The following PALLD variants were observed in gnomAD, a reference collection of about 807,000 sequenced individuals.
The protein encoded by PALLD is palladin.
Under a neutral mutation model 123.5 loss-of-function variants are expected in PALLD, and 61 were observed. That is an observed-to-expected ratio of 0.49 (90% CI 0.40 to 0.61). The LOEUF is 0.61. Ranked by LOEUF, PALLD falls within the 20% of genes least tolerant of loss-of-function variation. The probability of loss-of-function intolerance (pLI) is 0.00; values close to 1 mark genes in which losing one functional copy is unlikely to be tolerated. For synonymous variants in PALLD, 465 were observed against 496.4 expected, an observed-to-expected ratio of 0.94 and a Z score of 0.84; for missense variants, 1,273 against 1,377.0, an observed-to-expected ratio of 0.92 and a Z score of 1.20.
chr4:168,522,418 A>G (rs914544161), intron 2 of PALLD, among the ~76,000 whole-genome samples: 1 of 152,230 alleles, frequency 6.6e-6, no homozygotes, highest in South Asian at 2.1e-4. Context: ...ACTAGTATCA[A>G]ATAGTTGTTT....
chr4:168,821,598 A>G (rs895978200), intron 10 of PALLD, among the ~76,000 whole-genome samples: 1 of 152,182 alleles, frequency 6.6e-6, no homozygotes, highest in Non-Finnish European at 1.5e-5. Context: ...GTTTTAGGCC[A>G]GGTGCAGTAG....
chr4:168,753,104 C>T (rs541568855), intron 10 of PALLD, among the ~76,000 whole-genome samples: 2 of 152,270 alleles, frequency 1.3e-5, no homozygotes, highest in South Asian at 2.1e-4. Context: ...TGAAAACTCT[C>T]ATTGCTTATC....
chr4:168,819,168 C>A (rs1352128634), intron 10 of PALLD, among the ~76,000 whole-genome samples: 1 of 152,140 alleles, frequency 6.6e-6, no homozygotes, highest in Non-Finnish European at 1.5e-5. Context: ...TTGCCATTTA[C>A]AGAACTGTTT....
At chr4:168,703,141 G>A (rs1349556374) in intron 8 of PALLD, among the ~76,000 whole-genome samples, 2 of 143,870 alleles carry the variant, frequency 1.4e-5, no homozygotes, top group Non-Finnish European at 3.0e-5. Context: ...TCCCACCTAT[G>A]AGTGAGAATA....
At position 168,605,187 on chromosome 4, in the gene PALLD, CTA is replaced by C. The variant is rs1467059058; in HGVS notation, c.909-63001_909-63000del. Among the ~76,000 whole-genome samples the C allele has an allele frequency of 7.9e-5, 12 of 151,964 alleles. No individual in the cohort carries two copies. In the East Asian group the frequency reaches 2.1e-3, roughly 27 times the overall value. On this transcript the variant is annotated intron_variant, in intron 2 of 21. Coordinates refer to ENST00000505667, the MANE Select transcript of PALLD (RefSeq NM_001166108.2). ...ATCTCCTGGTGCTCTGACTTGGATC[CTA>C]TGTTTTCAGCCCCTGGAGCAGTGGT... is the stretch of plus-strand genomic sequence containing the variant.
chr4:168,652,746 A>G (rs1018958548), intron 2 of PALLD, among the ~76,000 whole-genome samples: 1 of 152,246 alleles, frequency 6.6e-6, no homozygotes. Flanking sequence ...TTTGTGATGC[A>G]AACAGGGAAA....
chr4:168,500,985 T>C (rs534901919), intron 1 of PALLD, among the ~76,000 whole-genome samples: 9 of 152,372 alleles, frequency 5.9e-5, no homozygotes, highest in African/African-American at 1.7e-4. Flanking sequence ...TGAAAACTTA[T>C]TTATATGTTC....
chr4:168,916,805 C>T (rs973495001), intron 17 of PALLD, among the ~76,000 whole-genome samples: 13 of 148,316 alleles, frequency 8.8e-5, no homozygotes, highest in Non-Finnish European at 1.8e-4. Context: ...TGAGTAGCTG[C>T]GATTACAGGC....
At chr4:168,889,224 T>C (rs1323482241) in intron 10 of PALLD, among the ~76,000 whole-genome samples, 1 of 149,074 alleles carries the variant, frequency 6.7e-6, no homozygotes, top group Non-Finnish European at 1.5e-5. Flanking sequence ...AGTGCAGTGG[T>C]GCGACCTCGG....
chr4:168,715,882 G>A (rs928869988), intron 10 of PALLD, among the ~76,000 whole-genome samples: 5 of 151,992 alleles, frequency 3.3e-5, no homozygotes, highest in Non-Finnish European at 7.4e-5. Flanking sequence ...CCCGGAGGGC[G>A]GAGCCTGCAG....
intron 10 of PALLD, among the ~76,000 whole-genome samples, chr4:168,834,263 T>G (rs764949838): frequency 2.6e-5 from 4 of 152,064 alleles, no homozygotes; most frequent in Non-Finnish European, 5.9e-5. Context: ...TTCTGATAGC[T>G]GGGATGGTGT....
At chr4:168,498,699 A>T (rs1351850577) in intron 1 of PALLD, among the ~76,000 whole-genome samples, 1 of 152,228 alleles carries the variant, frequency 6.6e-6, no homozygotes, top group Non-Finnish European at 1.5e-5. Context: ...AGTATCTTCG[A>T]CTAAAATTTC....
At chr4:168,848,306 A>G (rs1328600302) in intron 10 of PALLD, among the ~76,000 whole-genome samples, 2 of 152,158 alleles carry the variant, frequency 1.3e-5, no homozygotes, top group Non-Finnish European at 2.9e-5. Flanking sequence ...AAGACTAAAA[A>G]TCAAAGCTGT....
At chr4:168,857,457 C>T (rs1748769485) in intron 10 of PALLD, among the ~76,000 whole-genome samples, 1 of 152,160 alleles carries the variant, frequency 6.6e-6, no homozygotes, top group South Asian at 2.1e-4. Flanking sequence ...AAAGGTGAAA[C>T]ACCAGGTAGA....
intron 10 of PALLD, among the ~76,000 whole-genome samples, chr4:168,825,564 C>T (rs769234109): frequency 6.6e-6 from 1 of 152,176 alleles, no homozygotes; most frequent in African/African-American, 2.4e-5. Flanking sequence ...AAGGAGGTTT[C>T]AGAGATGACA....
At chr4:168,850,383 A>G (rs1747565278) in intron 10 of PALLD, among the ~76,000 whole-genome samples, 1 of 152,110 alleles carries the variant, frequency 6.6e-6, no homozygotes, top group Admixed American at 6.5e-5. Context: ...CTGCACTACT[A>G]AAATCCTTCA....
intron 2 of PALLD, among the ~76,000 whole-genome samples, chr4:168,583,648 C>T (rs1770513409): frequency 6.6e-6 from 1 of 152,198 alleles, no homozygotes. Flanking sequence ...TCAAGATTTA[C>T]TTCACTTGAA....
intron 4 of PALLD, 105 bp downstream of exon 4, chr4:168,681,503 A>T: frequency 1.4e-6 from 1 of 708,406 alleles, no homozygotes; most frequent in Non-Finnish European, 2.6e-6. Context: ...AAGTCAACTG[A>T]TGTTAATCAG....
intron 10 of PALLD, among the ~76,000 whole-genome samples, chr4:168,837,565 T>G (rs2150902229): frequency 1.3e-5 from 2 of 152,368 alleles, no homozygotes; most frequent in South Asian, 4.1e-4. Flanking sequence ...TACCGTTCGT[T>G]GAGTACTTCA....
Sources: gnomAD v4.1 joint callset for allele counts (sites outside exome capture counted in the v4.1 genomes callset) on GRCh38, gnomAD v4.1.1 for gene constraint, MANE v1.5 for transcripts, NCBI Gene and HGNC (gene_info 2026-07-23, HGNC 2026-07-21) for gene names.